Variants in ALPK3 observed in about 807,000 individuals in gnomAD.
The protein encoded by ALPK3 is alpha kinase 3.
Under a neutral mutation model 140.0 loss-of-function variants are expected in ALPK3, and 102 were observed. That is an observed-to-expected ratio of 0.73 (90% CI 0.62 to 0.86). The LOEUF (loss-of-function observed/expected upper bound fraction) is 0.86, where lower values mean the gene tolerates loss of function less well. ALPK3 is among the 40% of genes least tolerant of loss of function. The pLI, the probability that ALPK3 is intolerant of heterozygous loss-of-function variation, is 0.00. For missense variants in ALPK3, 2,254 were observed against 2,208.2 expected (o/e 1.02, Z -0.42); for synonymous variants, 938 against 898.5 (o/e 1.04, Z -0.79).
rs10625181 is a variant in ALPK3 at position 84,838,600 on chromosome 15, CATT to C, written c.305-343_305-341del. On this transcript the variant is annotated intron_variant, in intron 3 of 13. Coordinates refer to ENST00000258888, the MANE Select transcript of ALPK3 (RefSeq NM_020778.5). ...GCCACGGCCTCGTGTTCTCTCCTCC[CATT>C]ATTATTATTATTATTATTATTATTA... Among the ~76,000 whole-genome samples the C allele has an allele frequency of 5.3e-3, 608 of 115,010 alleles. 2 individuals are homozygous for C. The highest frequency in any genetic ancestry group is 0.015 in the African/African-American group (437 of 29,124). 75.5% of individuals were successfully genotyped at this position (115,010 alleles called of 152,430 possible). A position where few individuals can be genotyped will look rare whatever the true frequency, so the allele number is the denominator to read the frequency against.
In ALPK3 at chr15:84,858,025, C is replaced by G. The variant is rs1181749037; in HGVS notation, c.3287C>G (p.Ser1096Cys). The change falls in exon 6 of 14, where the codon TCC (serine) becomes TGC (cysteine). Residue 1096 changes from serine to cysteine, a missense_variant. Ser to Cys is a moderately radical substitution (Grantham distance 112). Transcript: ENST00000258888. ...GCCAGTGAGGGTGAAGGAGAGGTTT[C>G]CCCTGAGGGGCCTGGCCTCCTGGGG... ...EGASEGEGEV[S>C]PEGPGLLGAS... 2.5e-6 allele frequency: 4 copies of G among 1,580,982 alleles called. No homozygotes were observed. The African/African-American group carries it at 4.1e-5, about 16-fold the overall frequency.
In ALPK3 at chr15:84,856,644, G is replaced by A; in HGVS notation, c.1906G>A (p.Asp636Asn). The change falls in exon 6 of 14, where the codon GAT (aspartate) becomes AAT (asparagine). Residue 636 changes from aspartate to asparagine, a missense_variant. This residue lies in a region of ALPK3 where 2,088 missense variants were observed against 2,022.9 expected (regional missense o/e 1.03). Coordinates refer to ENST00000258888, the MANE Select transcript of ALPK3 (RefSeq NM_020778.5). ...GTQTAQRTRADRKTQVDAGTQ... is the reference protein window; with the variant it reads ...GTQTAQRTRANRKTQVDAGTQ... ...ACAGACAGCCCAGAGGACACGTGCA[G>A]ATAGGAAGACGCAGGTGGATGCTGG... The A allele has an allele frequency of 1.2e-6, 2 of 1,614,134 alleles. No homozygotes were observed. Among genetic ancestry groups the A allele is most frequent in the Non-Finnish European group, 8.5e-7 (1 of 1,180,036 alleles).
intron 5 of ALPK3, among the ~76,000 whole-genome samples, chr15:84,849,397 C>A (rs1486076124): frequency 6.6e-6 from 1 of 152,138 alleles, no homozygotes; most frequent in African/African-American, 2.4e-5. Context: ...AAGAACTGAA[C>A]AGCACCAGCA....
intron 3 of ALPK3, among the ~76,000 whole-genome samples, chr15:84,837,684 G>T (rs981721396): frequency 1.3e-5 from 2 of 152,198 alleles, no homozygotes; most frequent in African/African-American, 4.8e-5. Context: ...GTCCAGAGGG[G>T]CTTCTTATGG....
chr15:84,859,773 C>T lies in ALPK3; in HGVS notation c.3966-3C>T, dbSNP rs1482394705. On this transcript the variant is annotated splice_region_variant and splice_polypyrimidine_tract_variant and intron_variant, in intron 7 of 13. Coordinates refer to ENST00000258888, the MANE Select transcript of ALPK3 (RefSeq NM_020778.5). ...CCTCACGAGTAGGGTCTCCACTCTG[C>T]AGCGCAGGGGATGAGGGGCCGGCGG... 1.9e-6 allele frequency: 3 copies of T among 1,610,616 alleles called. No homozygotes were observed. The highest frequency in any genetic ancestry group is 4.5e-5 in the East Asian group (2 of 44,844).
In ALPK3 at chr15:84,857,924, G is replaced by A. The variant is rs1555435531; in HGVS notation, c.3186G>A (p.Trp1062Ter). 6.2e-7 allele frequency: 1 copy of A among 1,610,500 alleles called. No individual in the cohort carries two copies. The change falls in exon 6 of 14, where the codon TGG (tryptophan) becomes TGA (stop). Residue 1062 changes from tryptophan to a stop codon, truncating the protein, a stop_gained. Transcript: ENST00000258888. LOFTEE classifies it high-confidence loss of function. ...CCCTTGCTGCTGCCCGAGGCTCCTG[G>A]GGTCCTGGTCCCAGCTCCCTCACTG... ...RQALAAARGS[W>*]GPGPSSLTVP... is the part of the protein sequence containing the mutation.
intron 1 of ALPK3, among the ~76,000 whole-genome samples, chr15:84,822,172 G>A (rs1171960947): frequency 6.6e-6 from 1 of 152,160 alleles, no homozygotes; most frequent in Non-Finnish European, 1.5e-5. Flanking sequence ...GGTCTAGACT[G>A]TAGTGCAACA....
intron 3 of ALPK3, among the ~76,000 whole-genome samples, chr15:84,834,996 C>T (rs990418948): frequency 2.9e-4 from 44 of 152,222 alleles, no homozygotes; most frequent in African/African-American, 1.0e-3. Context: ...TGTGTAGAGG[C>T]AGCACCAGAG....
At position 84,840,737 on chromosome 15, in the gene ALPK3, A is replaced by G. The variant is rs2141557264; in HGVS notation, c.1458A>G (p.Pro486=). The change falls in exon 5 of 14, where the codon CCA becomes CCG. Residue 486 remains proline (P), a synonymous_variant. Transcript: ENST00000258888. The part of the protein sequence containing the change: ...RPFNRKRFAP[P]KPKGEATTDS... ...TCAACAGAAAGAGATTTGCCCCTCC[A>G]AAGCCCAAAGGAGAGGCCACCACTG... The G allele has an allele frequency of 5.0e-6, 8 of 1,613,938 alleles. No individual in the cohort carries two copies. The East Asian group carries it at 6.7e-5, about 13-fold the overall frequency.
Position 84,857,153 on chromosome 15 carries a change from C to T in ALPK3, c.2415C>T (p.Pro805=), listed in dbSNP as rs1963873742. The change falls in exon 6 of 14, where the codon CCC becomes CCT. Residue 805 remains proline, a synonymous_variant. Coordinates refer to ENST00000258888, the MANE Select transcript of ALPK3 (RefSeq NM_020778.5). ...ACCTCATGCTCCCAGCACAGCCGCC[C>T]CATGAGGGGAGTGTGGAGCAGGTGG... ...SGNLMLPAQP[P]HEGSVEQVGG... 6.2e-7 allele frequency: 1 copy of T among 1,613,964 alleles called. No homozygotes were observed. The highest frequency in any genetic ancestry group is 8.5e-7 in the Non-Finnish European group (1 of 1,179,990).
chr15:84,821,136 T>TG (rs1349859561), intron 1 of ALPK3, among the ~76,000 whole-genome samples: 2 of 152,218 alleles, frequency 1.3e-5, no homozygotes, highest in Non-Finnish European at 2.9e-5. Context: ...GGAGCTCCCC[T>TG]GCCTGGGTGA....
chr15:84,823,185 C>A (rs940207021), intron 1 of ALPK3, 145 bp from the exon 2 acceptor site: 3 of 826,756 alleles, frequency 3.6e-6, no homozygotes, highest in African/African-American at 3.4e-5. Flanking sequence ...CTAAATGGAG[C>A]AGGCCAACTA....
intron 5 of ALPK3, among the ~76,000 whole-genome samples, chr15:84,847,089 A>G (rs1041216575): frequency 1.3e-5 from 2 of 152,164 alleles, no homozygotes; most frequent in Non-Finnish European, 2.9e-5. Flanking sequence ...GAGCCCAACA[A>G]CAGAGTGATA....
At chr15:84,827,768 G>T (rs1963505541) in intron 3 of ALPK3, among the ~76,000 whole-genome samples, 163 bp downstream of exon 3, 2 of 152,290 alleles carry the variant, frequency 1.3e-5, no homozygotes, top group South Asian at 2.1e-4. Context: ...TCCCTGTGTG[G>T]GCTGGTGCCC....
chr15:84,850,749 ATT>A (rs1963792286), intron 5 of ALPK3, among the ~76,000 whole-genome samples: 1 of 152,156 alleles, frequency 6.6e-6, no homozygotes, highest in Non-Finnish European at 1.5e-5. Context: ...AGCATGGCAA[ATT>A]AAACCTCCTA....
At chr15:84,823,921 C>CT (rs1470468947) in intron 2 of ALPK3, among the ~76,000 whole-genome samples, 2 of 152,016 alleles carry the variant, frequency 1.3e-5, no homozygotes, top group Non-Finnish European at 2.9e-5. Flanking sequence ...ACTGTGTTCC[C>CT]TGGTCTTGAA....
intron 3 of ALPK3, among the ~76,000 whole-genome samples, chr15:84,837,245 A>G (rs1488530592): frequency 6.6e-6 from 1 of 152,254 alleles, no homozygotes; most frequent in African/African-American, 2.4e-5. Context: ...AGAAGGACAC[A>G]GTAGAGCAGG....
rs1476834214 is a variant in ALPK3, at chr15:84,840,276, G to A, written c.997G>A (p.Glu333Lys). 5.6e-6 allele frequency: 9 copies of A among 1,613,786 alleles called. No individual in the cohort carries two copies. The highest frequency in any genetic ancestry group is 1.7e-5 in the Admixed American group (1 of 60,010). The stretch of plus-strand genomic sequence containing the variant: ...GCAAGGCCTGCGGAAGCCAGAGTTA[G>A]AGAAGGCAGCCCAAAGCCGCCGTTC... ...SKQGLRKPELEKAAQSRRSSE... is the reference protein window; with the variant it reads ...SKQGLRKPELKKAAQSRRSSE... The change falls in exon 5 of 14, where the codon GAG (glutamate) becomes AAG (lysine). Residue 333 changes from glutamate to lysine, a missense_variant. By Grantham distance (56) the Glu-to-Lys change is moderately conservative (BLOSUM62 1). Coordinates refer to ENST00000258888, the MANE Select transcript of ALPK3 (RefSeq NM_020778.5).
At chr15:84,847,236 A>AGAGAGAGAGG (rs1963742764) in intron 5 of ALPK3, among the ~76,000 whole-genome samples, 1 of 151,414 alleles carries the variant, frequency 6.6e-6, no homozygotes, top group Non-Finnish European at 1.5e-5. Flanking sequence ...AGAGAGAGAG[A>AGAGAGAGAGG]GAGAGAGAGA....
Sources: gnomAD v4.1 joint callset for allele counts (sites outside exome capture counted in the v4.1 genomes callset) on GRCh38, gnomAD v4.1.1 for gene constraint, gnomAD v4.1.1 regional missense constraint, MANE v1.5 for transcripts, NCBI Gene and HGNC (gene_info 2026-07-23, HGNC 2026-07-21) for gene names.